TLN2: variants seen among roughly 807,000 people sequenced by gnomAD.
TLN2 encodes talin-2.
In TLN2, 118 loss-of-function variants were observed where a neutral mutation model predicts 294.7. That is an observed-to-expected ratio of 0.40 (90% CI 0.34 to 0.47). The LOEUF (loss-of-function observed/expected upper bound fraction) is 0.47, where lower values mean the gene tolerates loss of function less well. TLN2 is among the 20% of genes least tolerant of loss of function. The pLI, the probability that TLN2 is intolerant of heterozygous loss-of-function variation, is 0.84. For missense variants in TLN2, 3,083 were observed against 3,282.2 expected, an observed-to-expected ratio of 0.94 and a Z score of 1.48; for synonymous variants, 1,431 against 1,304.5, an observed-to-expected ratio of 1.10 and a Z score of -2.09.
At chr15:62,416,389 CTTA>C (rs1379123047) in intron 1 of TLN2, among the ~76,000 whole-genome samples, 5 of 152,178 alleles carry the variant, frequency 3.3e-5, no homozygotes, top group African/African-American at 1.2e-4. Flanking sequence ...AGAACACAAT[CTTA>C]TTATTGGCTA....
chr15:62,763,807 GT>G, intron 40 of TLN2, 112 bp downstream of exon 40: 1 of 1,394,138 alleles, frequency 7.2e-7, no homozygotes, highest in Non-Finnish European at 9.4e-7. Context: ...TGTTGCTGGA[GT>G]TTCACCATTA....
Position 62,712,025 on chromosome 15 carries a change from C to A in TLN2, c.2582C>A (p.Ala861Glu), listed in dbSNP as rs1304319574. The A allele has an allele frequency of 1.9e-6, 3 of 1,614,094 alleles. No homozygotes were observed. In the African/African-American group the frequency reaches 4.0e-5, roughly 22 times the overall value. Residue 861 changes from alanine (A) to glutamate (E), a missense_variant, in exon 22 of 59, where the codon GCA (alanine) becomes GAA (glutamate). Transcript: ENST00000636159. Reference sequence around the variant, plus strand: ...ATGGAGAATTCAAAGAAGCTCCTGGCAGCAGCAAAACTCTTAGCTGACTCC... The same window carrying A: ...ATGGAGAATTCAAAGAAGCTCCTGGAAGCAGCAAAACTCTTAGCTGACTCC... Reference protein sequence around the residue: ...IDMENSKKLLAAAKLLADSTA... With the variant: ...IDMENSKKLLEAAKLLADSTA...
chr15:62,483,898 C>T (rs1246450076), intron 1 of TLN2, among the ~76,000 whole-genome samples: 5 of 152,188 alleles, frequency 3.3e-5, no homozygotes, highest in South Asian at 2.1e-4. Flanking sequence ...CATTTGGCAG[C>T]GTTTCTTTGG....
chr15:62,670,958 C>CT, intron 9 of TLN2, among the ~76,000 whole-genome samples: 1 of 152,286 alleles, frequency 6.6e-6, no homozygotes, highest in African/African-American at 2.4e-5. Flanking sequence ...TGTTGTCCAT[C>CT]TTTTTTATTG....
At chr15:62,809,892 T>C in intron 51 of TLN2, 33 bp from the exon 52 acceptor site, 1 of 1,601,972 alleles carries the variant, frequency 6.2e-7, no homozygotes. Context: ...GCTTTTCCCA[T>C]GTTAAGATTT....
At chr15:62,694,450 C>G (rs2058178963) in intron 14 of TLN2, 58 bp downstream of exon 14, 4 of 1,450,438 alleles carry the variant, frequency 2.8e-6, no homozygotes, top group Non-Finnish European at 3.9e-6. Context: ...TAGGTTTCCT[C>G]TTGCCAGCTT....
At chr15:62,592,952 C>A (rs906589502) in intron 2 of TLN2, among the ~76,000 whole-genome samples, 2 of 152,056 alleles carry the variant, frequency 1.3e-5, no homozygotes, top group Non-Finnish European at 2.9e-5. Context: ...AATATTCTGA[C>A]CTTATCTCTG....
In TLN2 at chr15:62,711,989, C is replaced by T. The variant is rs758032889; in HGVS notation, c.2546C>T (p.Ala849Val). ...LVNAMRSDAE[A>V]EIDMENSKKL... is the part of the protein sequence containing the mutation. ...AATGCCATGAGGTCAGATGCAGAAG[C>T]CGAAATCGACATGGAGAATTCAAAG... The change falls in exon 22 of 59, where the codon GCC becomes GTC. Residue 849 changes from alanine to valine, a missense_variant. Transcript: ENST00000636159. 9.9e-6 allele frequency: 16 copies of T among 1,614,048 alleles called. No homozygotes were observed. The East Asian group carries it at 3.1e-4, about 31-fold the overall frequency.
chr15:62,515,830 C>T (rs2040161866), intron 1 of TLN2, among the ~76,000 whole-genome samples: 5 of 152,184 alleles, frequency 3.3e-5, no homozygotes, highest in African/African-American at 1.2e-4. Flanking sequence ...GCAGAACATA[C>T]TTGCCATTCC....
At chr15:62,627,294 G>A (rs2049362681) in intron 3 of TLN2, among the ~76,000 whole-genome samples, 1 of 152,156 alleles carries the variant, frequency 6.6e-6, no homozygotes, top group South Asian at 2.1e-4. Flanking sequence ...TGGTAGGGTG[G>A]AACTATACCC....
chr15:62,816,285 T>C (rs960780334), intron 52 of TLN2, among the ~76,000 whole-genome samples: 3 of 152,222 alleles, frequency 2.0e-5, no homozygotes, highest in Non-Finnish European at 4.4e-5. Flanking sequence ...TCGTTTATCA[T>C]AGAGGATTTG....
rs756210502 is a variant in TLN2 at position 62,750,465 on chromosome 15, A to G, written c.4183A>G (p.Ile1395Val). Residue 1395 changes from isoleucine to valine, a missense_variant, in exon 34 of 59, where the codon ATT becomes GTT. By Grantham distance (29) the Ile-to-Val change is conservative (BLOSUM62 3). Transcript: ENST00000636159. ...PVSDLSYFDCIESVMENSKVL... is the reference protein window; with the variant it reads ...PVSDLSYFDCVESVMENSKVL... Reference sequence around the variant, plus strand: ...TAGTGACCTCTCTTACTTTGACTGCATTGAGAGTGTGATGGAAAACTCCAA... The same window carrying G: ...TAGTGACCTCTCTTACTTTGACTGCGTTGAGAGTGTGATGGAAAACTCCAA... The G allele has an allele frequency of 5.0e-6, 8 of 1,614,064 alleles. No individual in the cohort carries two copies. The highest frequency in any genetic ancestry group is 5.9e-6 in the Non-Finnish European group (7 of 1,180,024).
intron 58 of TLN2, among the ~76,000 whole-genome samples, 176 bp from the exon 59 acceptor site, chr15:62,840,302 GTCAT>G (rs2070489218): frequency 6.6e-6 from 1 of 152,134 alleles, no homozygotes; most frequent in Non-Finnish European, 1.5e-5. Flanking sequence ...GCTCAGCTGG[GTCAT>G]TAGTCTCAAA....
intron 1 of TLN2, among the ~76,000 whole-genome samples, chr15:62,449,426 A>G (rs1196143914): frequency 6.6e-6 from 1 of 152,150 alleles, no homozygotes; most frequent in African/African-American, 2.4e-5. Context: ...TAGATGAGCT[A>G]GCTGGCAGAG....
At chr15:62,493,252 C>T (rs1105998) in intron 1 of TLN2, among the ~76,000 whole-genome samples, 23,847 of 152,134 alleles carry the variant, frequency 0.16, 2,566 homozygotes, top group East Asian at 0.55. Context: ...GCTCCAGGTG[C>T]TTGTTGCGGG....
rs541665951 is a variant in TLN2 at position 62,493,757 on chromosome 15, C to T, written c.-237-95930C>T. ...TCCCGAGTAGCTGGGACCACAGGCA[C>T]ACACCACCATGCCTGGCTAGTTTTT... On this transcript the variant is annotated intron_variant, in intron 1 of 58. Coordinates refer to ENST00000636159, the MANE Select transcript of TLN2 (RefSeq NM_015059.3). Among the ~76,000 whole-genome samples, 466 of 152,074 alleles carry T rather than the reference C, an allele frequency of 3.1e-3. 1 individual carries two copies. Among genetic ancestry groups the T allele is most frequent in the Non-Finnish European group, 5.8e-3 (393 of 67,988 alleles).
intron 1 of TLN2, among the ~76,000 whole-genome samples, chr15:62,436,292 GA>G (rs1215531536): frequency 2.5e-4 from 38 of 152,326 alleles, no homozygotes; most frequent in African/African-American, 8.4e-4. Context: ...GGAGCTCATG[GA>G]AAGCATAGCC....
chr15:62,419,964 C>T (rs2034300265), intron 1 of TLN2, among the ~76,000 whole-genome samples: 1 of 152,204 alleles, frequency 6.6e-6, no homozygotes. Flanking sequence ...CATCTTATCC[C>T]TGTTAGGTTT....
intron 22 of TLN2, among the ~76,000 whole-genome samples, chr15:62,715,590 A>G (rs912160515): frequency 2.6e-5 from 4 of 152,226 alleles, no homozygotes; most frequent in African/African-American, 9.6e-5. Flanking sequence ...TAGATTTCTA[A>G]GACATGTTCA....
Sources: allele counts gnomAD v4.1 joint callset (sites outside exome capture counted in the v4.1 genomes callset), GRCh38; gene constraint gnomAD v4.1.1; transcripts MANE v1.5; gene names NCBI Gene and HGNC (gene_info 2026-07-23, HGNC 2026-07-21).